KCNIP4: variants seen among roughly 807,000 people sequenced by gnomAD.
The protein encoded by KCNIP4 is potassium voltage-gated channel interacting protein 4, also known as Kv channel-interacting protein 4.
In KCNIP4, 12 loss-of-function variants were observed where a neutral mutation model predicts 34.0. That is an observed-to-expected ratio of 0.35 (90% CI 0.23 to 0.57). The LOEUF (loss-of-function observed/expected upper bound fraction) is 0.57, where lower values mean the gene tolerates loss of function less well. Among genes scored for constraint, KCNIP4 ranks in the 20% least tolerant of loss-of-function variants. KCNIP4 has a pLI of 0.83. For missense variants in KCNIP4, 238 were observed against 311.7 expected (o/e 0.76, Z 1.78); for synonymous variants, 124 against 102.2 (o/e 1.21, Z -1.29).
At chr4:21,670,719 G>A (rs1015644553) in intron 1 of KCNIP4, among the ~76,000 whole-genome samples, 1 of 151,926 alleles carries the variant, frequency 6.6e-6, no homozygotes, top group Non-Finnish European at 1.5e-5. Flanking sequence ...GCAGTGGCGC[G>A]ATCTTGGCTC....
chr4:21,407,093 G>C (rs1442495129), intron 1 of KCNIP4, among the ~76,000 whole-genome samples: 6 of 151,874 alleles, frequency 4.0e-5, no homozygotes, highest in Middle Eastern at 3.2e-3. Context: ...ATGATATATG[G>C]AGTGACAAGG....
At chr4:21,722,675 A>T (rs183907364) in intron 1 of KCNIP4, among the ~76,000 whole-genome samples, 9 of 152,230 alleles carry the variant, frequency 5.9e-5, no homozygotes, top group Non-Finnish European at 1.3e-4. Flanking sequence ...TGGCAAGATC[A>T]TATGGTTACT....
chr4:21,540,550 TG>T (rs1737594562), intron 1 of KCNIP4, among the ~76,000 whole-genome samples: 1 of 152,184 alleles, frequency 6.6e-6, no homozygotes, highest in Non-Finnish European at 1.5e-5. Flanking sequence ...GTGTTCAAGA[TG>T]ACTTTATAAA....
chr4:21,460,697 C>T (rs1361462693), intron 1 of KCNIP4, among the ~76,000 whole-genome samples: 1 of 152,054 alleles, frequency 6.6e-6, no homozygotes, highest in Non-Finnish European at 1.5e-5. Flanking sequence ...CATCCAAAGT[C>T]CCCACCTCCA....
chr4:20,804,428 G>A (rs1318042083), intron 3 of KCNIP4, among the ~76,000 whole-genome samples: 3 of 152,014 alleles, frequency 2.0e-5, no homozygotes, highest in Non-Finnish European at 4.4e-5. Flanking sequence ...AAGGTCATAG[G>A]CTGAATTTCC....
Position 21,765,096 on chromosome 4 carries a change from T to G in KCNIP4, c.61+183475A>C, listed in dbSNP as rs567536739. On this transcript the variant is annotated intron_variant, in intron 1 of 8. Coordinates refer to ENST00000382152, the MANE Select transcript of KCNIP4 (RefSeq NM_025221.6). The stretch of plus-strand genomic sequence containing the variant: ...TACAACAGTCAAATAATAATAATAT[T>G]AGTACGAATTTAAAATGGGAAGTGC... Among the ~76,000 whole-genome samples the G allele has an allele frequency of 7.9e-5, 12 of 152,002 alleles. No individual in the cohort carries two copies. The East Asian group carries it at 1.2e-3, about 15-fold the overall frequency.
At chr4:21,042,729 T>C (rs1742075619) in intron 1 of KCNIP4, among the ~76,000 whole-genome samples, 1 of 152,198 alleles carries the variant, frequency 6.6e-6, no homozygotes, top group South Asian at 2.1e-4. Context: ...TAAATGCCGA[T>C]CACTCTGATT....
chr4:21,721,908 C>T (rs1714846920), intron 1 of KCNIP4, among the ~76,000 whole-genome samples: 2 of 152,168 alleles, frequency 1.3e-5, no homozygotes, highest in Non-Finnish European at 2.9e-5. Flanking sequence ...GTTCATAAGA[C>T]ATGACTGTGC....
At chr4:20,849,180 G>GT (rs1487677927) in intron 3 of KCNIP4, among the ~76,000 whole-genome samples, 1 of 152,048 alleles carries the variant, frequency 6.6e-6, no homozygotes, top group African/African-American at 2.4e-5. Context: ...TGTGTGTGTG[G>GT]TGAGCACTCA....
At chr4:20,974,186 G>A (rs1735254330) in intron 1 of KCNIP4, among the ~76,000 whole-genome samples, 1 of 152,008 alleles carries the variant, frequency 6.6e-6, no homozygotes, top group African/African-American at 2.4e-5. Flanking sequence ...ATTGAGCCTG[G>A]GTAACACACT....
intron 1 of KCNIP4, among the ~76,000 whole-genome samples, chr4:21,576,375 C>G (rs1009659846): frequency 6.6e-6 from 1 of 152,108 alleles, no homozygotes; most frequent in Non-Finnish European, 1.5e-5. Context: ...GTCACGTCGG[C>G]ACTAAGCCAG....
At chr4:20,881,804 C>T (rs1450186599) in intron 2 of KCNIP4, among the ~76,000 whole-genome samples, 1 of 152,134 alleles carries the variant, frequency 6.6e-6, no homozygotes, top group Non-Finnish European at 1.5e-5. Context: ...AATCAGTTGA[C>T]ATTAAGTTAA....
intron 3 of KCNIP4, among the ~76,000 whole-genome samples, chr4:20,838,880 A>G (rs1273884105): frequency 2.0e-5 from 3 of 152,206 alleles, no homozygotes; most frequent in Admixed American, 1.3e-4. Context: ...ATGAATTTTT[A>G]TATTATTTAG....
At chr4:21,582,041 T>C (rs1331216456) in intron 1 of KCNIP4, 1 of 136,538 alleles carries the variant, frequency 7.3e-6, no homozygotes, top group African/African-American at 3.0e-5. Context: ...TGGAATGGAA[T>C]GGAATGGAAT....
chr4:20,870,978 C>A (rs542767125), intron 2 of KCNIP4, among the ~76,000 whole-genome samples: 1 of 152,200 alleles, frequency 6.6e-6, no homozygotes, highest in East Asian at 1.9e-4. Flanking sequence ...CACTTGTCAC[C>A]TCTGATGGCT....
rs1383071083 is a variant in KCNIP4 at position 20,819,057 on chromosome 4, T to C, written c.288+31486A>G. Among the ~76,000 whole-genome samples the C allele has an allele frequency of 3.3e-5, 5 of 151,772 alleles. No homozygotes were observed. In the South Asian group the frequency reaches 1.0e-3, roughly 32 times the overall value. On this transcript the variant is annotated intron_variant, in intron 3 of 8. Transcript: ENST00000382152. ...GCACCACCACATACAGCTAATTTTG[T>C]ATTTTTAGTAGAGACAGGGTTTCTC...
chr4:21,805,529 A>G (rs992280666), intron 1 of KCNIP4, among the ~76,000 whole-genome samples: 2 of 152,100 alleles, frequency 1.3e-5, no homozygotes, highest in African/African-American at 4.8e-5. Context: ...CTGTGAGTCC[A>G]TTAAACATTT....
rs200628676 is a variant in KCNIP4, at chr4:21,565,395, C to A, written c.61+383176G>T. 7.1e-4 allele frequency among the ~76,000 whole-genome samples: 108 copies of A among 152,250 alleles called. 1 individual carries two copies. Among genetic ancestry groups the A allele is most frequent in the Admixed American group, 5.8e-3 (89 of 15,292 alleles). The stretch of plus-strand genomic sequence containing the variant: ...CCCAAATCTAATTACCTCCAAGGAG[C>A]CCCACCTGTAAAAATGATCACATTG... On this transcript the variant is annotated intron_variant, in intron 1 of 8. Transcript: ENST00000382152.
At chr4:21,435,182 T>G (rs1368820216) in intron 1 of KCNIP4, among the ~76,000 whole-genome samples, 1 of 152,130 alleles carries the variant, frequency 6.6e-6, no homozygotes, top group Non-Finnish European at 1.5e-5. Flanking sequence ...AGCAAAAAAC[T>G]TAAATTGTTT....
Sources: gnomAD v4.1 joint callset for allele counts (sites outside exome capture counted in the v4.1 genomes callset) on GRCh38, gnomAD v4.1.1 for gene constraint, MANE v1.5 for transcripts, NCBI Gene and HGNC (gene_info 2026-07-23, HGNC 2026-07-21) for gene names.